SLC41A3: variants seen among roughly 807,000 people sequenced by gnomAD.
SLC41A3 encodes the protein solute carrier family 41 member 3.
SLC41A3 carries 44 observed loss-of-function variants against 45.4 expected under a neutral mutation model. The observed-to-expected ratio is 0.97, with a 90% confidence interval of 0.76 to 1.25. The LOEUF is 1.25. Among genes scored for constraint, SLC41A3 ranks in the 50% most tolerant of loss-of-function variants. The probability of loss-of-function intolerance (pLI) is 0.00; values close to 1 mark genes in which losing one functional copy is unlikely to be tolerated. For missense variants in SLC41A3, 550 were observed against 600.6 expected, an observed-to-expected ratio of 0.92 and a Z score of 0.88; for synonymous variants, 256 against 252.4, an observed-to-expected ratio of 1.01 and a Z score of -0.13.
At chr3:126,023,071 C>T in intron 5 of SLC41A3, 139 bp from the exon 6 acceptor site, 1 of 1,207,816 alleles carries the variant, frequency 8.3e-7, no homozygotes, top group South Asian at 1.5e-5. Flanking sequence ...AACTTGCCTC[C>T]CTCCACAAAG....
chr3:126,041,550 T>C (rs1450694177), intron 3 of SLC41A3, among the ~76,000 whole-genome samples: 1 of 152,152 alleles, frequency 6.6e-6, no homozygotes, highest in Admixed American at 6.5e-5. Flanking sequence ...ATACTGAAAG[T>C]ATAACTTCAG....
At chr3:126,061,163 G>A (rs1030450794) in intron 2 of SLC41A3, among the ~76,000 whole-genome samples, 21 of 152,212 alleles carry the variant, frequency 1.4e-4, no homozygotes, top group Admixed American at 3.9e-4. Flanking sequence ...ACCCTCGGCA[G>A]GTTCTGGGCC....
rs1944237823 is a variant in SLC41A3 at position 126,064,281 on chromosome 3, A to T, written c.273+3666T>A. On this transcript the variant is annotated intron_variant, in intron 2 of 10. Transcript: ENST00000360370. Reference sequence around the variant, plus strand: ...CCCAAGAGCCTCCTTATCTCAGGGCAGGAACTGTCCCTCCACATCCCCGAG... The same window carrying T: ...CCCAAGAGCCTCCTTATCTCAGGGCTGGAACTGTCCCTCCACATCCCCGAG... Among the ~76,000 whole-genome samples the T allele has an allele frequency of 2.0e-5, 3 of 152,140 alleles. No homozygotes were observed. In the South Asian group the frequency reaches 6.2e-4, roughly 32 times the overall value.
intron 1 of SLC41A3, among the ~76,000 whole-genome samples, chr3:126,090,530 AT>A (rs1245826838): frequency 6.6e-6 from 1 of 152,204 alleles, no homozygotes; most frequent in Non-Finnish European, 1.5e-5. Context: ...CCAGGTTATA[AT>A]TTTTCTTCAT....
chr3:126,049,458 G>C (rs1294625363), intron 3 of SLC41A3, among the ~76,000 whole-genome samples: 2 of 152,146 alleles, frequency 1.3e-5, no homozygotes, highest in Non-Finnish European at 2.9e-5. Flanking sequence ...CTGGACTCTG[G>C]CCTGGGTGAC....
chr3:126,039,485 T>C (rs1260444911), intron 3 of SLC41A3, among the ~76,000 whole-genome samples: 3 of 152,194 alleles, frequency 2.0e-5, no homozygotes, highest in African/African-American at 7.2e-5. Flanking sequence ...TGAGGTGAGG[T>C]GCCTCCACTG....
In SLC41A3 at chr3:126,012,768, T is replaced by C; in HGVS notation, c.971-19A>G. Reference sequence around the variant, plus strand: ...CCAACACCTACGAGGAGAAAAGGAATCTGTTTTCCCTTTCTTTACGCCAGT... The same window carrying C: ...CCAACACCTACGAGGAGAAAAGGAACCTGTTTTCCCTTTCTTTACGCCAGT... On this transcript the variant is annotated intron_variant, in intron 8 of 10. Coordinates refer to ENST00000360370, the MANE Select transcript of SLC41A3 (RefSeq NM_017836.4). 1 of 1,613,846 alleles carries C rather than the reference T, an allele frequency of 6.2e-7. No homozygotes were observed. The highest frequency in any genetic ancestry group is 8.5e-7 in the Non-Finnish European group (1 of 1,179,768).
At chr3:126,044,578 T>C (rs1273023190) in intron 3 of SLC41A3, among the ~76,000 whole-genome samples, 2 of 152,100 alleles carry the variant, frequency 1.3e-5, no homozygotes, top group Non-Finnish European at 2.9e-5. Context: ...ATGAAACCAG[T>C]CTTAATATAT....
intron 1 of SLC41A3, among the ~76,000 whole-genome samples, chr3:126,097,525 A>T (rs1268064104): frequency 6.6e-6 from 1 of 152,092 alleles, no homozygotes; most frequent in Admixed American, 6.5e-5. Context: ...AACACATTCA[A>T]TTGGTTGGGA....
intron 1 of SLC41A3, among the ~76,000 whole-genome samples, chr3:126,069,744 A>G (rs565135238): frequency 6.6e-6 from 1 of 152,346 alleles, no homozygotes; most frequent in African/African-American, 2.4e-5. Context: ...AATGATGTCT[A>G]CTTGAATACA....
At chr3:126,084,288 C>G (rs1275183008), upstream of SLC41A3, 1 of 152,034 alleles carries the variant, frequency 6.6e-6, no homozygotes, top group East Asian at 1.9e-4. Context: ...GCCGGGGGCC[C>G]GGGGGGCTGG....
chr3:126,032,915 A>G (rs1941910010), intron 4 of SLC41A3, among the ~76,000 whole-genome samples: 3 of 152,118 alleles, frequency 2.0e-5, no homozygotes, highest in Non-Finnish European at 4.4e-5. Flanking sequence ...GGTCTAGGAT[A>G]AAGCTACCTC....
intron 1 of SLC41A3, among the ~76,000 whole-genome samples, chr3:126,097,923 T>C (rs542407842): frequency 1.3e-5 from 2 of 152,302 alleles, no homozygotes; most frequent in African/African-American, 4.8e-5. Context: ...GACTAGTTCA[T>C]GCCCCTCTGT....
intron 3 of SLC41A3, among the ~76,000 whole-genome samples, chr3:126,046,356 TACACACACAC>T (rs66615933): frequency 2.0e-5 from 3 of 150,546 alleles, no homozygotes; most frequent in East Asian, 2.0e-4. Flanking sequence ...CTCTAAAGAT[TACACACACAC>T]ACACACACAC....
Position 126,026,613 on chromosome 3 carries a change from A to C in SLC41A3, c.454-134T>G. The stretch of plus-strand genomic sequence containing the variant: ...CTCCTTTCCCTTACCCTAAAATCTC[A>C]CAGGCCCTCACCCCAGGAAAAACTA... On this transcript the variant is annotated intron_variant, in intron 4 of 10. Transcript: ENST00000360370. The surrounding 1 kb of genome is among the most constrained non-coding windows in gnomAD (Gnocchi z 4.2). 2.8e-5 allele frequency: 33 copies of C among 1,180,290 alleles called. No homozygotes were observed. The highest frequency in any genetic ancestry group is 3.7e-5 in the Non-Finnish European group (31 of 843,774). 73.1% of individuals were successfully genotyped at this position (1,180,290 alleles called of 1,614,324 possible).
chr3:126,017,008 A>G lies in SLC41A3; in HGVS notation c.746-133T>C. 8.0e-6 allele frequency: 9 copies of G among 1,130,836 alleles called. No individual in the cohort carries two copies. In the South Asian group the frequency reaches 1.5e-4, roughly 19 times the overall value. 70.1% of individuals were successfully genotyped at this position (1,130,836 alleles called of 1,614,324 possible). On this transcript the variant is annotated intron_variant, in intron 6 of 10. Transcript: ENST00000360370. ...TCAGTTGAGGGGGAACTGCCTTGCC[A>G]TACTTTTCACAGAACTTTCACCATC...
At chr3:126,041,990 G>T (rs1046479626) in intron 3 of SLC41A3, among the ~76,000 whole-genome samples, 2 of 152,100 alleles carry the variant, frequency 1.3e-5, no homozygotes, top group Non-Finnish European at 2.9e-5. Flanking sequence ...GGTGCAGTTG[G>T]GAGGAACCAC....
intron 3 of SLC41A3, among the ~76,000 whole-genome samples, chr3:126,041,116 T>C (rs1305536721): frequency 1.3e-5 from 2 of 151,754 alleles, no homozygotes; most frequent in Non-Finnish European, 2.9e-5. Flanking sequence ...AATAGCACAG[T>C]GGTTGAAGAG....
chr3:126,012,465 A>G, intron 9 of SLC41A3, 150 bp downstream of exon 9: 6 of 904,020 alleles, frequency 6.6e-6, no homozygotes, highest in Non-Finnish European at 1.0e-5. Flanking sequence ...AGGGCCGGGG[A>G]GTCTCATTTC....
Sources: allele counts gnomAD v4.1 joint callset (sites outside exome capture counted in the v4.1 genomes callset), GRCh38; gene constraint gnomAD v4.1.1; non-coding constraint Gnocchi (gnomAD v3.1); transcripts MANE v1.5; gene names NCBI Gene and HGNC (gene_info 2026-07-23, HGNC 2026-07-21).